Variants in TSHZ2 observed in about 807,000 individuals in gnomAD.
The protein encoded by TSHZ2 is teashirt zinc finger homeobox 2.
A neutral mutation model predicts 74.4 loss-of-function variants in TSHZ2; 21 were observed. The ratio of observed to expected loss-of-function variants is 0.28; its 90% CI spans 0.20 to 0.41. The LOEUF is 0.41. Among genes scored for constraint, TSHZ2 ranks in the 10% least tolerant of loss-of-function variants. The pLI is 1.00. For missense variants in TSHZ2, 1,244 were observed against 1,293.5 expected, an observed-to-expected ratio of 0.96 and a Z score of 0.59; for synonymous variants, 540 against 515.3, an observed-to-expected ratio of 1.05 and a Z score of -0.65.
chr20:53,152,939 A>C (rs1353207244), intron 1 of TSHZ2, among the ~76,000 whole-genome samples: 1 of 152,190 alleles, frequency 6.6e-6, no homozygotes, highest in Admixed American at 6.5e-5. Flanking sequence ...GCAGGCAGGA[A>C]AGAACACTCA....
intron 2 of TSHZ2, among the ~76,000 whole-genome samples, chr20:53,384,886 G>T (rs1025196007): frequency 6.6e-6 from 1 of 152,200 alleles, no homozygotes; most frequent in Non-Finnish European, 1.5e-5. Context: ...ACTTTGGGAG[G>T]CCAAGGCGGG....
intron 2 of TSHZ2, among the ~76,000 whole-genome samples, chr20:53,479,243 T>A (rs1021104526): frequency 6.6e-6 from 1 of 150,824 alleles, no homozygotes; most frequent in Non-Finnish European, 1.5e-5. Flanking sequence ...AACTCGAGCA[T>A]GTACAAAAAT....
chr20:53,424,295 C>T (rs922912354), intron 2 of TSHZ2, among the ~76,000 whole-genome samples: 10 of 152,224 alleles, frequency 6.6e-5, no homozygotes, highest in African/African-American at 2.2e-4. Context: ...GTTCCCAGCA[C>T]TCGCTCCTCT....
intron 1 of TSHZ2, among the ~76,000 whole-genome samples, chr20:53,131,819 A>ATC (rs1987108349): frequency 1.0e-5 from 1 of 95,406 alleles, no homozygotes. Flanking sequence ...TTGAATGACA[A>ATC]CCCCCCCCCC....
chr20:53,363,191 C>A (rs1981131614), intron 2 of TSHZ2, among the ~76,000 whole-genome samples: 1 of 152,258 alleles, frequency 6.6e-6, no homozygotes, highest in South Asian at 2.1e-4. Flanking sequence ...CTTGATCTCA[C>A]ATCCTGGATT....
chr20:53,325,466 G>A (rs938551754), intron 2 of TSHZ2, among the ~76,000 whole-genome samples: 16 of 152,312 alleles, frequency 1.1e-4, no homozygotes, highest in African/African-American at 3.6e-4. Flanking sequence ...TGGCCGTTGC[G>A]TGTGGACACC....
chr20:53,343,202 A>G (rs1027963909), intron 2 of TSHZ2, among the ~76,000 whole-genome samples: 2 of 151,630 alleles, frequency 1.3e-5, no homozygotes, highest in African/African-American at 4.8e-5. Context: ...CCTGACCTCA[A>G]ATGATCTGCC....
chr20:53,140,690 C>T (rs776252444), intron 1 of TSHZ2, among the ~76,000 whole-genome samples: 3 of 152,282 alleles, frequency 2.0e-5, no homozygotes, highest in Non-Finnish European at 2.9e-5. Flanking sequence ...TCTGTATTAT[C>T]TCATGACCCA....
At chr20:53,167,563 TTGTTTGTGTGTGTGTGTG>T (rs940007320) in intron 1 of TSHZ2, among the ~76,000 whole-genome samples, 1 of 151,964 alleles carries the variant, frequency 6.6e-6, no homozygotes, top group Non-Finnish European at 1.5e-5. Context: ...GTTTGCTTGC[TTGTTTGTGTGTGTGTGTG>T]TGTTTGTGTG....
chr20:53,035,729 A>G (rs909722612), intron 1 of TSHZ2, among the ~76,000 whole-genome samples: 1 of 152,222 alleles, frequency 6.6e-6, no homozygotes, highest in Non-Finnish European at 1.5e-5. Flanking sequence ...GAAGACAAGT[A>G]TCAAAGAATC....
chr20:53,202,469 C>A (rs1989033481), intron 1 of TSHZ2, among the ~76,000 whole-genome samples: 1 of 152,092 alleles, frequency 6.6e-6, no homozygotes, highest in Non-Finnish European at 1.5e-5. Context: ...TTATATGCCC[C>A]CTTAATCATT....
chr20:53,289,182 A>G (rs1991232588), intron 2 of TSHZ2, among the ~76,000 whole-genome samples: 1 of 136,586 alleles, frequency 7.3e-6, no homozygotes, highest in African/African-American at 2.5e-5. Context: ...TCAGTGGTGT[A>G]TATATACCAC....
intron 1 of TSHZ2, among the ~76,000 whole-genome samples, chr20:53,019,658 C>G (rs1026263096): frequency 6.6e-6 from 1 of 152,152 alleles, no homozygotes; most frequent in Non-Finnish European, 1.5e-5. Context: ...ATATATTCCA[C>G]CACTTTGGAA....
chr20:53,394,017 C>T (rs539978577), intron 2 of TSHZ2, among the ~76,000 whole-genome samples: 6 of 152,164 alleles, frequency 3.9e-5, no homozygotes, highest in Non-Finnish European at 8.8e-5. Flanking sequence ...ACTGGTTGCT[C>T]TTCTCCAGGT....
intron 2 of TSHZ2, among the ~76,000 whole-genome samples, chr20:53,314,034 C>T (rs577162894): frequency 5.3e-5 from 8 of 152,042 alleles, no homozygotes; most frequent in African/African-American, 1.4e-4. Context: ...TGGCCAGGCA[C>T]GGAGGCACTT....
At chr20:53,229,549 T>C (rs1809279931) in intron 1 of TSHZ2, among the ~76,000 whole-genome samples, 1 of 152,196 alleles carries the variant, frequency 6.6e-6, no homozygotes, top group African/African-American at 2.4e-5. Context: ...TATGTCTCCT[T>C]GCAGTGGTGT....
intron 2 of TSHZ2, among the ~76,000 whole-genome samples, chr20:53,327,205 T>C (rs1979529660): frequency 6.6e-6 from 1 of 152,202 alleles, no homozygotes; most frequent in African/African-American, 2.4e-5. Flanking sequence ...AACCAGAACA[T>C]ACAGGTCACA....
chr20:53,194,202 T>C (rs1396822213), intron 1 of TSHZ2, among the ~76,000 whole-genome samples: 1 of 152,224 alleles, frequency 6.6e-6, no homozygotes, highest in Non-Finnish European at 1.5e-5. Flanking sequence ...ATGTGTCTTC[T>C]GTTTTGTTGG....
chr20:53,305,975 GAA>G (rs35465133), intron 2 of TSHZ2, among the ~76,000 whole-genome samples: 6 of 137,260 alleles, frequency 4.4e-5, no homozygotes, highest in African/African-American at 8.0e-5. Context: ...AAGACTCTGT[GAA>G]AAAAAAAAAA....
Sources: gnomAD v4.1 joint callset for allele counts (sites outside exome capture counted in the v4.1 genomes callset) on GRCh38, gnomAD v4.1.1 for gene constraint, MANE v1.5 for transcripts, NCBI Gene and HGNC (gene_info 2026-07-23, HGNC 2026-07-21) for gene names.